GTF3C3: variants seen among roughly 807,000 people sequenced by gnomAD.
GTF3C3 encodes general transcription factor 3C polypeptide 3.
In GTF3C3, 75 loss-of-function variants were observed where a neutral mutation model predicts 105.2. The observed-to-expected ratio is 0.71, with a 90% CI of 0.59 to 0.86. The LOEUF is 0.86. Ranked by LOEUF, GTF3C3 falls within the 40% of genes least tolerant of loss-of-function variation. GTF3C3 has a pLI of 0.00. For synonymous variants in GTF3C3, 335 were observed against 370.4 expected (o/e 0.90, Z 1.10); for missense variants, 856 against 1,076.5 (o/e 0.80, Z 2.87).
intron 8 of GTF3C3, 62 bp from the exon 9 acceptor site, chr2:196,780,724 G>A (rs1242544964): frequency 3.9e-6 from 6 of 1,551,892 alleles, no homozygotes; most frequent in African/African-American, 1.4e-5. Flanking sequence ...TATCTTCTAT[G>A]TAAGATCTCA....
intron 8 of GTF3C3, 128 bp from the exon 9 acceptor site, chr2:196,780,790 ATTAAT>A: frequency 8.8e-7 from 1 of 1,138,246 alleles, no homozygotes; most frequent in East Asian, 2.6e-5. Flanking sequence ...GGCCAACTCT[ATTAAT>A]AAGTTCTTAT....
chr2:196,782,638 A>T (rs1699386055), intron 8 of GTF3C3, among the ~76,000 whole-genome samples: 2 of 151,844 alleles, frequency 1.3e-5, no homozygotes, highest in African/African-American at 4.8e-5. Flanking sequence ...AAAAAAAAAT[A>T]GGTGTCACAA....
At position 196,771,830 on chromosome 2, in the gene GTF3C3, C is replaced by T. The variant is rs756320812; in HGVS notation, c.2178G>A (p.Met726Ile). 2.5e-6 allele frequency: 4 copies of T among 1,612,796 alleles called. No individual in the cohort carries two copies. Among genetic ancestry groups the T allele is most frequent in the Admixed American group, 3.3e-5 (2 of 60,006 alleles). Reference sequence around the variant, plus strand: ...GGGCATGATTTTCTGGGTTTTTCAGCATCAAACGGAGACAGAAGCGATGAT... The same window carrying T: ...GGGCATGATTTTCTGGGTTTTTCAGTATCAAACGGAGACAGAAGCGATGAT... ...VRHHRFCLRLMLKNPENHALC... is the reference protein window; with the variant it reads ...VRHHRFCLRLILKNPENHALC... The change falls in exon 15 of 18, where the codon ATG becomes ATA. Residue 726 changes from methionine to isoleucine, a missense_variant. By Grantham distance (10) the Met-to-Ile change is conservative. Coordinates refer to ENST00000263956, the MANE Select transcript of GTF3C3 (RefSeq NM_012086.5).
chr2:196,789,802 G>T, intron 5 of GTF3C3, 77 bp downstream of exon 5: 1 of 891,560 alleles, frequency 1.1e-6, no homozygotes, highest in Non-Finnish European at 1.7e-6. Context: ...TCACACCCCA[G>T]AATAGCAAAT....
At chr2:196,781,356 AAATATATATAT>A (rs1472390528) in intron 8 of GTF3C3, among the ~76,000 whole-genome samples, 12 of 54,502 alleles carry the variant, frequency 2.2e-4, no homozygotes, top group African/African-American at 4.2e-4. Flanking sequence ...AAAAAAAAAA[AAATATATATAT>A]ATATATATAT....
At chr2:196,794,781 C>T (rs1192128675) in intron 2 of GTF3C3, among the ~76,000 whole-genome samples, 2 of 151,662 alleles carry the variant, frequency 1.3e-5, no homozygotes, top group African/African-American at 4.8e-5. Flanking sequence ...GTCGCCCAGG[C>T]TGGAGTGCAG....
At chr2:196,768,601 A>G (rs1699114398) in intron 16 of GTF3C3, among the ~76,000 whole-genome samples, 1 of 152,166 alleles carries the variant, frequency 6.6e-6, no homozygotes, top group Non-Finnish European at 1.5e-5. Context: ...AGTTTCAGAA[A>G]TGATGCTATT....
intron 1 of GTF3C3, among the ~76,000 whole-genome samples, chr2:196,798,628 C>A (rs1318134271): frequency 2.0e-5 from 3 of 152,016 alleles, no homozygotes; most frequent in Non-Finnish European, 4.4e-5. Context: ...CTTTGGGAAG[C>A]CGAGGCAGGC....
rs763173649 is a variant in GTF3C3 at position 196,785,467 on chromosome 2, T to C, written c.1015A>G (p.Asn339Asp). 2 of 1,607,308 alleles carry C rather than the reference T, an allele frequency of 1.2e-6. No homozygotes were observed. Among genetic ancestry groups the C allele is most frequent in the Admixed American group, 3.4e-5 (2 of 59,576 alleles). Residue 339 changes from asparagine to aspartate, a missense_variant, in exon 7 of 18, where the codon AAC (asparagine) becomes GAC (aspartate). By Grantham distance (23) the Asn-to-Asp change is conservative (BLOSUM62 1). Coordinates refer to ENST00000263956, the MANE Select transcript of GTF3C3 (RefSeq NM_012086.5). ...TCCAAAGCTTTGTCATACTGTTTGT[T>C]AGAAATATATAGTTCAGCTGCTATG... ...VNIAAELYISNKQYDKALEII... is the reference protein window; with the variant it reads ...VNIAAELYISDKQYDKALEII...
intron 13 of GTF3C3, chr2:196,773,735 G>A: frequency 2.6e-6 from 1 of 387,160 alleles, no homozygotes; most frequent in Non-Finnish European, 5.2e-6. Flanking sequence ...ATCTGGGGGT[G>A]ATGGGAGACA....
At chr2:196,770,422 C>G (rs1699151516) in intron 15 of GTF3C3, among the ~76,000 whole-genome samples, 2 of 152,158 alleles carry the variant, frequency 1.3e-5, no homozygotes, top group African/African-American at 2.4e-5. Context: ...ATAGAATCAA[C>G]TGATCTGTTT....
In GTF3C3 at chr2:196,775,195, CCT is replaced by C. The variant is rs1699240450; in HGVS notation, c.1750_1751del (p.Arg584AlafsTer6). ...TCGATACTTTAATAAGATAAAGATG[CCT>C]CTCTCCAGACTTGGAACTGGATATC... ...CLISSSKSGE[R>X]HLYLIKVSRD... On this transcript the variant is annotated frameshift_variant, in exon 13 of 18. Coordinates refer to ENST00000263956, the MANE Select transcript of GTF3C3 (RefSeq NM_012086.5). LOFTEE classifies it high-confidence loss of function. The C allele has an allele frequency of 6.2e-7, 1 of 1,611,552 alleles. No individual in the cohort carries two copies. Among genetic ancestry groups the C allele is most frequent in the African/African-American group, 1.3e-5 (1 of 74,814 alleles).
Position 196,776,218 on chromosome 2 carries a change from T to C in GTF3C3, c.1594-107A>G. Reference sequence around the variant, plus strand: ...AAAAACAAACCATATTGCTTTATGGTCTTTCACAATAATTAAGAGCCAATA... The same window carrying C: ...AAAAACAAACCATATTGCTTTATGGCCTTTCACAATAATTAAGAGCCAATA... On this transcript the variant is annotated intron_variant, in intron 11 of 17. Transcript: ENST00000263956. The surrounding 1 kb of genome is among the most constrained non-coding windows in gnomAD (Gnocchi z 4.5). The C allele has an allele frequency of 1.4e-6, 1 of 720,418 alleles. No individual in the cohort carries two copies. Among genetic ancestry groups the C allele is most frequent in the East Asian group, 2.6e-5 (1 of 38,736 alleles). 44.6% of individuals were successfully genotyped at this position (720,418 alleles called of 1,614,324 possible).
intron 6 of GTF3C3, among the ~76,000 whole-genome samples, chr2:196,787,583 A>C (rs1418126451): frequency 6.6e-6 from 1 of 152,136 alleles, no homozygotes; most frequent in African/African-American, 2.4e-5. Flanking sequence ...GTATGACCAT[A>C]ATACAGAGAA....
chr2:196,779,088 C>A, intron 9 of GTF3C3, 21 bp from the exon 10 acceptor site: 1 of 1,602,182 alleles, frequency 6.2e-7, no homozygotes. Context: ...AATAAAAGCC[C>A]CAAGTTAAAC....
In GTF3C3 at chr2:196,766,565, C is replaced by A; in HGVS notation, c.2538G>T (p.Glu846Asp). 6.2e-7 allele frequency: 1 copy of A among 1,604,790 alleles called. No individual in the cohort carries two copies. Among genetic ancestry groups the A allele is most frequent in the Non-Finnish European group, 8.5e-7 (1 of 1,174,522 alleles). ...KALELPPLVV[E>D]GIELDQLDLR... ...TCTCAGTTTTAAAAATGCACAATAC[C>A]TCTACCACAAGTGGAGGGAGCTCCA... is the stretch of plus-strand genomic sequence containing the variant. Residue 846 changes from glutamate to aspartate, a missense_variant and splice_region_variant, in exon 17 of 18, where the codon GAG becomes GAT. Physicochemically the swap from Glu to Asp is conservative, Grantham distance 45. This residue lies in a region of GTF3C3 where 134 missense variants were observed against 128.9 expected (regional missense o/e 1.04). Transcript: ENST00000263956.
Position 196,789,281 on chromosome 2 carries a change from A to C in GTF3C3, c.816T>G (p.Asp272Glu). Residue 272 changes from aspartate to glutamate, a missense_variant, in exon 6 of 18, where the codon GAT becomes GAG. Around this residue, in one of 3 missense-constraint regions of GTF3C3, gnomAD observed 605 missense variants for 833.6 expected, o/e 0.73. Coordinates refer to ENST00000263956, the MANE Select transcript of GTF3C3 (RefSeq NM_012086.5). ...AAAGGTTTAAAATACGCCTATAACCATCCATGGCCATTTTATGATCACCCA... is the reference window on the plus strand; with the variant it reads ...AAAGGTTTAAAATACGCCTATAACCCTCCATGGCCATTTTATGATCACCCA... ...EQMGDHKMAM[D>E]GYRRILNLLS... 1 of 1,613,492 alleles carries C rather than the reference A, an allele frequency of 6.2e-7. No homozygotes were observed. The highest frequency in any genetic ancestry group is 2.2e-5 in the East Asian group (1 of 44,886).
rs200940992 is a variant in GTF3C3, at chr2:196,776,447, C to T, written c.1573G>A (p.Asp525Asn). ...CCCACCTGCTGTGCAGCATTTGCATCCTGTGCTAAAGTATCTGGATCATAC... is the reference window on the plus strand; with the variant it reads ...CCCACCTGCTGTGCAGCATTTGCATTCTGTGCTAAAGTATCTGGATCATAC... ...PMYDPDTLAQ[D>N]ANAAQQELKL... Residue 525 changes from aspartate to asparagine, a missense_variant, in exon 11 of 18, where the codon GAT (aspartate) becomes AAT (asparagine). Asp to Asn is a conservative substitution (Grantham distance 23). Transcript: ENST00000263956. This position sits in a 1 kb window ranked among gnomAD's most constrained non-coding sequence, Gnocchi z 4.5. 5.6e-6 allele frequency: 9 copies of T among 1,613,928 alleles called. No individual in the cohort carries two copies. The African/African-American group carries it at 1.1e-4, about 19-fold the overall frequency.
At chr2:196,775,040 G>T in intron 13 of GTF3C3, 76 bp downstream of exon 13, 1 of 963,272 alleles carries the variant, frequency 1.0e-6, no homozygotes, top group Non-Finnish European at 1.6e-6. Context: ...CAATTAGATT[G>T]CTGTCCAGTG....
Sources: allele counts gnomAD v4.1 joint callset (sites outside exome capture counted in the v4.1 genomes callset), GRCh38; gene constraint gnomAD v4.1.1; regional missense constraint gnomAD v4.1.1; non-coding constraint Gnocchi (gnomAD v3.1); transcripts MANE v1.5; gene names NCBI Gene and HGNC (gene_info 2026-07-23, HGNC 2026-07-21).